Variants in TSPEAR observed in about 807,000 individuals in gnomAD.
TSPEAR encodes the protein thrombospondin type laminin G domain and EAR repeats, also known as thrombospondin-type laminin G domain and EAR repeat-containing protein.
TSPEAR carries 69 observed loss-of-function variants against 71.6 expected under a neutral mutation model. That is an observed-to-expected ratio of 0.96 (90% confidence interval 0.79 to 1.18). The LOEUF is 1.18. Ranked by LOEUF, TSPEAR falls within the 50% of genes most tolerant of loss-of-function variation. The pLI is 0.00. For missense variants in TSPEAR, 971 were observed against 894.9 expected, an observed-to-expected ratio of 1.09 and a Z score of -1.09; for synonymous variants, 402 against 387.2, an observed-to-expected ratio of 1.04 and a Z score of -0.45.
At chr21:44,647,819 ACT>A (rs1334082502) in intron 1 of TSPEAR, among the ~76,000 whole-genome samples, 1 of 151,962 alleles carries the variant, frequency 6.6e-6, no homozygotes, top group Non-Finnish European at 1.5e-5. Context: ...TCAGCTCCAC[ACT>A]CTTCCTGCAG....
rs138701798 is a variant in TSPEAR at position 44,543,066 on chromosome 21, C to G, written c.304-9143G>C. Among the ~76,000 whole-genome samples the G allele has an allele frequency of 2.4e-3, 368 of 151,926 alleles. 2 individuals carry two copies. The highest frequency in any genetic ancestry group is 8.3e-3 in the African/African-American group (346 of 41,438). On this transcript the variant is annotated intron_variant, in intron 2 of 11. Transcript: ENST00000323084. The stretch of plus-strand genomic sequence containing the variant: ...GGAAGAAGATTCCCCCAAATGAGAA[C>G]AGAATAATGACATCCTCTGGACACC...
chr21:44,689,712 A>AATATATATATATATATATATATATATAT lies in TSPEAR; in HGVS notation c.82+21693_82+21720dup, dbSNP rs71199618. 1.2e-3 allele frequency among the ~76,000 whole-genome samples: 74 copies of AATATATATATATATATATATATATATAT among 62,020 alleles called. 1 individual carries two copies. The highest frequency in any genetic ancestry group is 5.5e-3 in the African/African-American group (68 of 12,430). The allele number at this position is 62,020 out of a possible 152,430, so 40.7% of individuals were successfully genotyped here. A position where few individuals can be genotyped will look rare whatever the true frequency, so the allele number is the denominator to read the frequency against. On this transcript the variant is annotated intron_variant, in intron 1 of 11. Transcript: ENST00000323084. ...TCCCTTAGAGGGACAGAATAGAATG[A>AATATATATATATATATATATATATATAT]ATATATATATATATATATATATATA...
chr21:44,650,626 C>T (rs993841220), intron 1 of TSPEAR, among the ~76,000 whole-genome samples: 11 of 152,272 alleles, frequency 7.2e-5, no homozygotes, highest in African/African-American at 2.2e-4. Context: ...GCCTTCACCT[C>T]GGACTGCAGT....
At chr21:44,652,577 G>A (rs1555941678) in intron 1 of TSPEAR, among the ~76,000 whole-genome samples, 3 of 152,142 alleles carry the variant, frequency 2.0e-5, no homozygotes, top group African/African-American at 7.2e-5. Flanking sequence ...CTTACGAAGG[G>A]GGAATTCTCC....
intron 1 of TSPEAR, chr21:44,637,506 G>A (rs782304975): frequency 8.7e-6 from 14 of 1,612,992 alleles, no homozygotes; most frequent in East Asian, 4.5e-5. Context: ...TGCGAGCCCT[G>A]CTGCTGTGCC....
intron 1 of TSPEAR, among the ~76,000 whole-genome samples, chr21:44,706,817 C>T (rs1369967133): frequency 6.6e-6 from 1 of 152,216 alleles, no homozygotes; most frequent in East Asian, 1.9e-4. Context: ...CCTGACAGTG[C>T]CCAAGCTGCC....
intron 1 of TSPEAR, chr21:44,682,058 T>C: frequency 3.1e-6 from 5 of 1,614,034 alleles, no homozygotes; most frequent in Non-Finnish European, 4.2e-6. Context: ...TGTAACAGGA[T>C]GCCTGGCAGG....
At chr21:44,705,020 C>T (rs572751424) in intron 1 of TSPEAR, among the ~76,000 whole-genome samples, 31 of 152,342 alleles carry the variant, frequency 2.0e-4, no homozygotes, top group Middle Eastern at 3.4e-3. Context: ...CCCTAACCCC[C>T]TGTTGCTGGA....
At chr21:44,575,177 C>A in intron 1 of TSPEAR, 2 of 810,882 alleles carry the variant, frequency 2.5e-6, no homozygotes, top group Non-Finnish European at 3.9e-6. Context: ...AATGCTGCAG[C>A]CCTCTTGCGG....
intron 1 of TSPEAR, chr21:44,601,266 GC>G: frequency 6.2e-7 from 1 of 1,609,486 alleles, no homozygotes; most frequent in Non-Finnish European, 8.5e-7. Context: ...CTAGCTGCAA[GC>G]CGGCTTGCTG....
intron 1 of TSPEAR, among the ~76,000 whole-genome samples, chr21:44,626,834 C>T (rs1982819948): frequency 6.6e-6 from 1 of 152,104 alleles, no homozygotes; most frequent in Non-Finnish European, 1.5e-5. Context: ...ACATCCCACC[C>T]ACCAGACGCC....
chr21:44,574,570 G>A (rs1978316521), intron 1 of TSPEAR: 2 of 1,604,926 alleles, frequency 1.2e-6, no homozygotes, highest in East Asian at 2.3e-5. Context: ...CAGGCTTGCT[G>A]TGTGCCTGTC....
In TSPEAR at chr21:44,509,844, C is replaced by T. The variant is rs144117233; in HGVS notation, c.1567-458G>A. The T allele has an allele frequency of 9.2e-3, 1,604 of 174,808 alleles. 35 individuals carry two copies. The highest frequency in any genetic ancestry group is 0.036 in the African/African-American group (1,529 of 41,972). The allele number at this position is 174,808 out of a possible 1,614,324, so 10.8% of individuals were successfully genotyped here. A position where few individuals can be genotyped will look rare whatever the true frequency, so the allele number is the denominator to read the frequency against. ...CCAGGCCCCAGTGCTGTGCGTCCTA[C>T]GAGCACCACCTGCTGTCTCACCTCT... On this transcript the variant is annotated intron_variant, in intron 9 of 11. Transcript: ENST00000323084.
chr21:44,592,102 A>G (rs1555926810), intron 1 of TSPEAR: 3 of 1,430,946 alleles, frequency 2.1e-6, no homozygotes, highest in Non-Finnish European at 1.9e-6. Flanking sequence ...CCCACAGCAG[A>G]CGGACACACA....
At position 44,509,024 on chromosome 21, in the gene TSPEAR, A is replaced by G. The variant is rs587750390; in HGVS notation, c.1754+175T>C. 26 of 1,456,462 alleles carry G rather than the reference A, an allele frequency of 1.8e-5. No homozygotes were observed. In the African/African-American group the frequency reaches 3.0e-4, roughly 17 times the overall value. The allele number at this position is 1,456,462 out of a possible 1,614,324, so 90.2% of individuals were successfully genotyped here. On this transcript the variant is annotated intron_variant, in intron 10 of 11. Transcript: ENST00000323084. ...GCGGCACTGACTTCCCCAGGCCAGGAAAGTCCCCAGGCCATTCTTTCCACA... is the reference window on the plus strand; with the variant it reads ...GCGGCACTGACTTCCCCAGGCCAGGGAAGTCCCCAGGCCATTCTTTCCACA...
At chr21:44,503,763 C>CG (rs1277514082) in intron 11 of TSPEAR, among the ~76,000 whole-genome samples, 4 of 105,024 alleles carry the variant, frequency 3.8e-5, no homozygotes, top group African/African-American at 8.4e-5. Flanking sequence ...GGTGAGCCCT[C>CG]GGGGGGAAGC....
rs587611289 is a variant in TSPEAR, at chr21:44,505,472, T to C, written c.1755-591A>G. ...AGATCAGGGGCATTAAGCACATTCATACTGCTGTGTGGCCGCCCCCACCAT... is the reference window on the plus strand; with the variant it reads ...AGATCAGGGGCATTAAGCACATTCACACTGCTGTGTGGCCGCCCCCACCAT... On this transcript the variant is annotated intron_variant, in intron 10 of 11. Coordinates refer to ENST00000323084, the MANE Select transcript of TSPEAR (RefSeq NM_144991.3). Among the ~76,000 whole-genome samples, 341 of 148,986 alleles carry C rather than the reference T, an allele frequency of 2.3e-3. 2 individuals carry two copies. Among genetic ancestry groups the C allele is most frequent in the South Asian group, 5.5e-3 (26 of 4,698 alleles).
At chr21:44,626,118 T>C (rs1350846694) in intron 1 of TSPEAR, among the ~76,000 whole-genome samples, 2 of 152,276 alleles carry the variant, frequency 1.3e-5, no homozygotes, top group Non-Finnish European at 2.9e-5. Flanking sequence ...CTCAACATCG[T>C]GTAATACGTC....
At chr21:44,534,011 G>GCACA in intron 2 of TSPEAR, 88 bp from the exon 3 acceptor site, 1 of 976,656 alleles carries the variant, frequency 1.0e-6, no homozygotes, top group Non-Finnish European at 1.5e-6. Flanking sequence ...GAGGTGATGA[G>GCACA]CACAGGTGGT....
Sources: allele counts gnomAD v4.1 joint callset (sites outside exome capture counted in the v4.1 genomes callset), GRCh38; gene constraint gnomAD v4.1.1; transcripts MANE v1.5; gene names NCBI Gene and HGNC (gene_info 2026-07-23, HGNC 2026-07-21).